The following FSD1 variants were observed in gnomAD, a reference collection of about 807,000 sequenced individuals.
The protein encoded by FSD1 is fibronectin type III and SPRY domain-containing protein 1.
Under a neutral mutation model 58.2 loss-of-function variants are expected in FSD1, and 23 were observed. The observed-to-expected ratio is 0.40, with a 90% CI of 0.28 to 0.56. The LOEUF is 0.56. Among genes scored for constraint, FSD1 ranks in the 20% least tolerant of loss-of-function variants. FSD1 has a pLI of 0.54. For missense variants in FSD1, 563 were observed against 670.8 expected (o/e 0.84, Z 1.78); for synonymous variants, 265 against 263.4 (o/e 1.01, Z -0.06).
chr19:4,311,941 A>G lies in FSD1; in HGVS notation c.590A>G (p.His197Arg), dbSNP rs1003192870. Residue 197 changes from histidine (H) to arginine (R), a missense_variant, in exon 7 of 13, where the codon CAC (histidine) becomes CGC (arginine). Physicochemically the swap from His to Arg is conservative, Grantham distance 29. Transcript: ENST00000221856. Reference protein sequence around the residue: ...RMPDEDSKIDHYVLEYRRTNF... With the variant: ...RMPDEDSKIDRYVLEYRRTNF... ...CCGGATGAGGACAGCAAGATTGACC[A>G]CTACGTGCTGGAGTACCGGCGGACC... is the stretch of plus-strand genomic sequence containing the variant. 2.5e-6 allele frequency: 4 copies of G among 1,613,888 alleles called. No homozygotes were observed. The African/African-American group carries it at 4.0e-5, about 16-fold the overall frequency.
chr19:4,316,690 T>C (rs1228496337), intron 7 of FSD1, among the ~76,000 whole-genome samples: 2 of 152,086 alleles, frequency 1.3e-5, no homozygotes, highest in East Asian at 1.9e-4. Context: ...AAGTAATTCA[T>C]AGCCCCTCAG....
At chr19:4,311,559 C>T (rs566126781) in intron 6 of FSD1, 8 of 380,446 alleles carry the variant, frequency 2.1e-5, no homozygotes, top group South Asian at 1.8e-4. Flanking sequence ...TGGCTCACGA[C>T]TGTAATCCCA....
intron 4 of FSD1, among the ~76,000 whole-genome samples, chr19:4,308,725 G>A (rs1457995013): frequency 6.6e-6 from 1 of 152,140 alleles, no homozygotes; most frequent in Non-Finnish European, 1.5e-5. Context: ...GGGCGTGGTG[G>A]CGGGCACCTG....
chr19:4,310,250 T>C (rs939937678), intron 4 of FSD1, 23 bp from the exon 5 acceptor site: 12 of 1,613,794 alleles, frequency 7.4e-6, no homozygotes, highest in Non-Finnish European at 1.0e-5. Flanking sequence ...AATCTTTGAA[T>C]GTTGTTCTGT....
intron 7 of FSD1, among the ~76,000 whole-genome samples, chr19:4,315,455 C>T (rs1184488793): frequency 2.6e-5 from 4 of 151,584 alleles, no homozygotes; most frequent in African/African-American, 9.7e-5. Flanking sequence ...ACTACAGGCG[C>T]CTGCCACCAC....
intron 4 of FSD1, among the ~76,000 whole-genome samples, chr19:4,308,447 G>T (rs1209434092): frequency 6.6e-6 from 1 of 152,126 alleles, no homozygotes; most frequent in African/African-American, 2.4e-5. Flanking sequence ...TTCAGGCTGG[G>T]TGCAGTGGCT....
intron 7 of FSD1, among the ~76,000 whole-genome samples, chr19:4,314,683 C>T (rs912704820): frequency 2.0e-5 from 3 of 152,176 alleles, no homozygotes; most frequent in African/African-American, 7.2e-5. Flanking sequence ...GATGGGGTTT[C>T]TCCATGTTGA....
At chr19:4,310,791 G>T (rs1305028539) in intron 6 of FSD1, 195 bp downstream of exon 6, 1 of 580,016 alleles carries the variant, frequency 1.7e-6, no homozygotes, top group East Asian at 3.1e-5. Flanking sequence ...TGGAGCCATG[G>T]GAAGACCCCA....
chr19:4,305,511 CG>C, intron 1 of FSD1, among the ~76,000 whole-genome samples: 1 of 152,270 alleles, frequency 6.6e-6, no homozygotes, highest in South Asian at 2.1e-4. Context: ...ATGTAGGTAT[CG>C]GGTTGTAGCC....
At position 4,307,991 on chromosome 19, in the gene FSD1, C is replaced by T. The variant is rs1971641777; in HGVS notation, c.345+8C>T. ...AGCGAGGACTTTCCTCAGGTGGGTGCCTCTGATGCTGCCAGGTAAAGAACA... is the reference window on the plus strand; with the variant it reads ...AGCGAGGACTTTCCTCAGGTGGGTGTCTCTGATGCTGCCAGGTAAAGAACA... On this transcript the variant is annotated splice_region_variant and intron_variant, in intron 4 of 12. Coordinates refer to ENST00000221856, the MANE Select transcript of FSD1 (RefSeq NM_024333.3). 6.2e-7 allele frequency: 1 copy of T among 1,602,838 alleles called. No homozygotes were observed.
At chr19:4,308,735 G>A (rs959584907) in intron 4 of FSD1, among the ~76,000 whole-genome samples, 1 of 152,050 alleles carries the variant, frequency 6.6e-6, no homozygotes, top group Non-Finnish European at 1.5e-5. Context: ...GCGGGCACCT[G>A]TAGTTCCAGC....
At chr19:4,309,911 A>G (rs1376856070) in intron 4 of FSD1, among the ~76,000 whole-genome samples, 1 of 145,488 alleles carries the variant, frequency 6.9e-6, no homozygotes, top group Non-Finnish European at 1.5e-5. Flanking sequence ...TCCATCTCAA[A>G]AAAAAAAAAA....
At position 4,323,287 on chromosome 19, in the gene FSD1, C is replaced by A. The variant is rs565055426; in HGVS notation, c.1291+50C>A. On this transcript the variant is annotated intron_variant, in intron 11 of 12. Coordinates refer to ENST00000221856, the MANE Select transcript of FSD1 (RefSeq NM_024333.3). The surrounding 1 kb of genome is among the most constrained non-coding windows in gnomAD (Gnocchi z 7.7). ...CTCTGGCTGCCCCTGCCTGAGTCCCCTCCGTCTGCCCCCATCCCACTTCTG... is the reference window on the plus strand; with the variant it reads ...CTCTGGCTGCCCCTGCCTGAGTCCCATCCGTCTGCCCCCATCCCACTTCTG... 2 of 1,608,710 alleles carry A rather than the reference C, an allele frequency of 1.2e-6. No individual in the cohort carries two copies. The highest frequency in any genetic ancestry group is 1.3e-5 in the African/African-American group (1 of 74,982).
At chr19:4,310,442 C>A in intron 5 of FSD1, 33 bp from the exon 6 acceptor site, 1 of 1,605,960 alleles carries the variant, frequency 6.2e-7, no homozygotes, top group South Asian at 1.1e-5. Flanking sequence ...AGGCCTGGTC[C>A]CCCACGCAAC....
chr19:4,322,830 G>A (rs1470438225), intron 10 of FSD1, among the ~76,000 whole-genome samples, 156 bp from the exon 11 acceptor site: 6 of 152,026 alleles, frequency 3.9e-5, no homozygotes, highest in Non-Finnish European at 8.8e-5. Flanking sequence ...GGAACCTGAG[G>A]AGTATCTGGG....
intron 4 of FSD1, among the ~76,000 whole-genome samples, chr19:4,309,155 G>A (rs1354454627): frequency 6.6e-6 from 1 of 152,072 alleles, no homozygotes. Flanking sequence ...GGCTGAAGTG[G>A]GAGGATTGTT....
At chr19:4,315,780 T>C (rs1971749127) in intron 7 of FSD1, among the ~76,000 whole-genome samples, 1 of 151,710 alleles carries the variant, frequency 6.6e-6, no homozygotes, top group Non-Finnish European at 1.5e-5. Flanking sequence ...CCTGGCTAAT[T>C]TTTGTGTTTT....
In FSD1 at chr19:4,318,428, C is replaced by T. The variant is rs577541074; in HGVS notation, c.882C>T (p.Gly294=). The change falls in exon 9 of 13, where the codon GGC becomes GGT. Residue 294 remains glycine (G), a synonymous_variant. Coordinates refer to ENST00000221856, the MANE Select transcript of FSD1 (RefSeq NM_024333.3). ...DDLSVEWDAM[G]GKVQDIKARE... Reference sequence around the variant, plus strand: ...TCTCCGTGGAGTGGGACGCTATGGGCGGGAAGGTGCAGGATATCAAGGCTC... The same window carrying T: ...TCTCCGTGGAGTGGGACGCTATGGGTGGGAAGGTGCAGGATATCAAGGCTC... The T allele has an allele frequency of 6.2e-5, 100 of 1,613,794 alleles. No individual in the cohort carries two copies. The highest frequency in any genetic ancestry group is 4.2e-4 in the Admixed American group (25 of 59,978).
intron 7 of FSD1, among the ~76,000 whole-genome samples, chr19:4,315,266 C>T (rs1971740727): frequency 6.6e-6 from 1 of 150,790 alleles, no homozygotes; most frequent in African/African-American, 2.4e-5. Context: ...GCTTGGACTA[C>T]AGGCACTATA....
Sources: allele counts gnomAD v4.1 joint callset (sites outside exome capture counted in the v4.1 genomes callset), GRCh38; gene constraint gnomAD v4.1.1; non-coding constraint Gnocchi (gnomAD v3.1); transcripts MANE v1.5; gene names NCBI Gene and HGNC (gene_info 2026-07-23, HGNC 2026-07-21).